Variants in CORO6 observed in about 807,000 individuals in gnomAD.
CORO6 encodes the protein coronin-6.
CORO6 carries 43 observed loss-of-function variants against 49.0 expected under a neutral mutation model. That is an observed-to-expected ratio of 0.88 (90% CI 0.69 to 1.13). CORO6 has a LOEUF of 1.13. Ranked by LOEUF, CORO6 falls within the 50% of genes most tolerant of loss-of-function variation. The pLI, the probability that CORO6 is intolerant of heterozygous loss-of-function variation, is 0.00. For synonymous variants in CORO6, 233 were observed against 256.5 expected (o/e 0.91, Z 0.88); for missense variants, 650 against 647.0 (o/e 1.00, Z -0.05).
chr17:29,619,017 A>G (rs753521016), intron 4 of CORO6, 43 bp downstream of exon 4: 2 of 1,611,734 alleles, frequency 1.2e-6, no homozygotes, highest in African/African-American at 1.3e-5. Context: ...CACCTTTGCC[A>G]CCACCCACCC....
At chr17:29,617,937 G>T in intron 5 of CORO6, 1 of 952,840 alleles carries the variant, frequency 1.0e-6, no homozygotes, top group Non-Finnish European at 1.5e-6. Flanking sequence ...TTCCCGAATG[G>T]GAGCTCCCCG....
At position 29,616,511 on chromosome 17, in the gene CORO6, T is replaced by G. The variant is rs113833180; in HGVS notation, c.1005-175A>C. Among the ~76,000 whole-genome samples, 7 of 152,290 alleles carry G rather than the reference T, an allele frequency of 4.6e-5. No homozygotes were observed. The highest frequency in any genetic ancestry group is 1.7e-4 in the African/African-American group (7 of 41,556). ...CCTGATGGTGTGTTCACCATCATCTTATAGATGAGGAAACTGAAGTTGAGA... is the reference window on the plus strand; with the variant it reads ...CCTGATGGTGTGTTCACCATCATCTGATAGATGAGGAAACTGAAGTTGAGA... On this transcript the variant is annotated intron_variant, in intron 8 of 10. Coordinates refer to ENST00000388767, the MANE Select transcript of CORO6 (RefSeq NM_032854.4). The surrounding 1 kb of genome is among the most constrained non-coding windows in gnomAD (Gnocchi z 5.6).
In CORO6 at chr17:29,615,406, A is replaced by G; in HGVS notation, c.*326T>C. ...TAACCCCAAGCATCACGCTAATACT[A>G]AGCACTTTCCCTGCCCTGGGCGGAG... is the stretch of plus-strand genomic sequence containing the variant. On this transcript the variant is annotated 3_prime_UTR_variant, in exon 11 of 11. Transcript: ENST00000388767. 6.7e-6 allele frequency: 2 copies of G among 299,224 alleles called. No homozygotes were observed. Among genetic ancestry groups the G allele is most frequent in the Non-Finnish European group, 1.2e-5 (2 of 160,642 alleles). The allele number at this position is 299,224 out of a possible 1,614,324, so 18.5% of individuals were successfully genotyped here.
chr17:29,616,010 T>C lies in CORO6; in HGVS notation c.1228A>G (p.Ile410Val). 5 of 1,602,604 alleles carry C rather than the reference T, an allele frequency of 3.1e-6. No homozygotes were observed. The highest frequency in any genetic ancestry group is 4.3e-6 in the Non-Finnish European group (5 of 1,174,610). Residue 410 changes from isoleucine to valine, a missense_variant, in exon 10 of 11, where the codon ATC becomes GTC. Transcript: ENST00000388767. This position sits in a 1 kb window ranked among gnomAD's most constrained non-coding sequence, Gnocchi z 5.6. ...HRELRVTKRNILDVRPPSGPR... is the reference protein window; with the variant it reads ...HRELRVTKRNVLDVRPPSGPR... ...CCGGAGGGCGGGCGCACGTCCAGGA[T>C]GTTGCGCTTCGTGACCCGGAGCTCG...
Position 29,616,420 on chromosome 17 carries a change from AC to A in CORO6, c.1005-85del. On this transcript the variant is annotated intron_variant, in intron 8 of 10. Transcript: ENST00000388767. The surrounding 1 kb of genome is among the most constrained non-coding windows in gnomAD (Gnocchi z 5.6). Reference sequence around the variant, plus strand: ...CTAAGACCAAGGGGGTTGGAGGCCAACACTTGCTCAGCGCCTACCATGCATA... The same window carrying A: ...CTAAGACCAAGGGGGTTGGAGGCCAAACTTGCTCAGCGCCTACCATGCATA... The A allele has an allele frequency of 7.4e-7, 1 of 1,343,202 alleles. No homozygotes were observed. The highest frequency in any genetic ancestry group is 2.5e-5 in the East Asian group (1 of 40,590). 83.2% of individuals were successfully genotyped at this position (1,343,202 alleles called of 1,614,324 possible). A position where few individuals can be genotyped will look rare whatever the true frequency, so the allele number is the denominator to read the frequency against.
chr17:29,615,753 C>T lies in CORO6; in HGVS notation c.1398G>A (p.Glu466=). The T allele has an allele frequency of 6.5e-7, 1 of 1,548,824 alleles. No individual in the cohort carries two copies. The highest frequency in any genetic ancestry group is 8.7e-7 in the Non-Finnish European group (1 of 1,147,210). Reference sequence around the variant, plus strand: ...GGGGCTAGTCCGTGCCGTCCACCAGCTCGCACAGCATGTTCTCCAGAGCCG... The same window carrying T: ...GGGGCTAGTCCGTGCCGTCCACCAGTTCGCACAGCATGTTCTCCAGAGCCG... ...RITALENMLC[E]LVDGTD The change falls in exon 11 of 11, where the codon GAG becomes GAA. Residue 466 remains glutamate (E), a synonymous_variant. Transcript: ENST00000388767.
Position 29,619,680 on chromosome 17 carries a change from C to A in CORO6, c.292G>T (p.Ala98Ser). ...ATGGTGGTGTCGTCTGAGGCACTGG[C>A]GATAACGTTGTCATTGTGTGGACAC... The part of the protein sequence containing the change: ...DWCPHNDNVI[A>S]SASDDTTIMV... The change falls in exon 3 of 11, where the codon GCC becomes TCC. Residue 98 changes from alanine to serine, a missense_variant. By Grantham distance (99) the Ala-to-Ser change is moderately conservative. Coordinates refer to ENST00000388767, the MANE Select transcript of CORO6 (RefSeq NM_032854.4). 6.2e-7 allele frequency: 1 copy of A among 1,613,704 alleles called. No homozygotes were observed. Among genetic ancestry groups the A allele is most frequent in the East Asian group, 2.2e-5 (1 of 44,878 alleles).
chr17:29,618,283 G>A (rs996421723), intron 5 of CORO6: 65 of 1,300,784 alleles, frequency 5.0e-5, no homozygotes, highest in Non-Finnish European at 6.1e-5. Context: ...GGTTAGACTT[G>A]AGGCTGGCGA....
At position 29,622,866 on chromosome 17, in the gene CORO6, C is replaced by A; in HGVS notation, c.-242G>T. Reference sequence around the variant, plus strand: ...GCCGATCCTGCGGCTCTCTAGAGCCCGGCGCCGCTGCAGCCCCAGCTGCCG... The same window carrying A: ...GCCGATCCTGCGGCTCTCTAGAGCCAGGCGCCGCTGCAGCCCCAGCTGCCG... On this transcript the variant is annotated 5_prime_UTR_variant, in exon 1 of 11. Coordinates refer to ENST00000388767, the MANE Select transcript of CORO6 (RefSeq NM_032854.4). 1.5e-6 allele frequency: 2 copies of A among 1,296,246 alleles called. No individual in the cohort carries two copies. Among genetic ancestry groups the A allele is most frequent in the Admixed American group, 2.3e-5 (1 of 42,840 alleles). 80.3% of individuals were successfully genotyped at this position (1,296,246 alleles called of 1,614,324 possible).
Position 29,615,474 on chromosome 17 carries a change from G to A in CORO6, c.*258C>T. 2.1e-6 allele frequency: 1 copy of A among 465,290 alleles called. No homozygotes were observed. The highest frequency in any genetic ancestry group is 3.8e-6 in the Non-Finnish European group (1 of 263,508). 28.8% of individuals were successfully genotyped at this position (465,290 alleles called of 1,614,324 possible). On this transcript the variant is annotated 3_prime_UTR_variant, in exon 11 of 11. Coordinates refer to ENST00000388767, the MANE Select transcript of CORO6 (RefSeq NM_032854.4). ...CCTCGCCGTGCAGCACCATTGCTGA[G>A]CCCCCCAGGTTACCCCAGGCCTCCC...
rs576517494 is a variant in CORO6, at chr17:29,616,764, C to T, written c.942G>A (p.Pro314=). Residue 314 remains proline (P), a synonymous_variant, in exon 8 of 11, where the codon CCG becomes CCA. Coordinates refer to ENST00000388767, the MANE Select transcript of CORO6 (RefSeq NM_032854.4). This position sits in a 1 kb window ranked among gnomAD's most constrained non-coding sequence, Gnocchi z 5.6. ...TGGGCATGAAACCCATGCCCCGCTGCGGCTCTTTGCTGCTGAACGTGTTCA... is the reference window on the plus strand; with the variant it reads ...TGGGCATGAAACCCATGCCCCGCTGTGGCTCTTTGCTGCTGAACGTGTTCA... ...HYLNTFSSKE[P]QRGMGFMPKR... is the part of the protein sequence containing the mutation. The T allele has an allele frequency of 6.2e-7, 1 of 1,613,702 alleles. No homozygotes were observed. Among genetic ancestry groups the T allele is most frequent in the African/African-American group, 1.3e-5 (1 of 74,898 alleles).
chr17:29,621,346 C>T lies in CORO6; in HGVS notation c.76G>A (p.Glu26Lys), dbSNP rs368592581. The T allele has an allele frequency of 2.5e-6, 4 of 1,614,064 alleles. No individual in the cohort carries two copies. The highest frequency in any genetic ancestry group is 3.4e-6 in the Non-Finnish European group (4 of 1,180,024). ...GQAAKADQAYEDIRVSKVTWD... is the reference protein window; with the variant it reads ...GQAAKADQAYKDIRVSKVTWD... Reference sequence around the variant, plus strand: ...GTGACCTTGGACACACGGATGTCCTCGTAGGCCTGGTCGGCCTTTGCTGCC... The same window carrying T: ...GTGACCTTGGACACACGGATGTCCTTGTAGGCCTGGTCGGCCTTTGCTGCC... The change falls in exon 2 of 11, where the codon GAG (glutamate) becomes AAG (lysine). Residue 26 changes from glutamate to lysine, a missense_variant. Coordinates refer to ENST00000388767, the MANE Select transcript of CORO6 (RefSeq NM_032854.4). The surrounding 1 kb of genome is among the most constrained non-coding windows in gnomAD (Gnocchi z 4.2).
In CORO6 at chr17:29,622,704, T is replaced by C; in HGVS notation, c.-80A>G. 1 of 1,279,322 alleles carries C rather than the reference T, an allele frequency of 7.8e-7. No homozygotes were observed. Among genetic ancestry groups the C allele is most frequent in the South Asian group, 1.3e-5 (1 of 76,868 alleles). The allele number at this position is 1,279,322 out of a possible 1,614,324, so 79.2% of individuals were successfully genotyped here. ...GCTGGGTACCTGGTCCTGAGCGGGC[T>C]GCGGGGCGCTCACGCTGCGAATCCT... is the stretch of plus-strand genomic sequence containing the variant. On this transcript the variant is annotated 5_prime_UTR_variant, in exon 1 of 11. Transcript: ENST00000388767.
Position 29,616,114 on chromosome 17 carries a change from G to T in CORO6, c.1124C>A (p.Ala375Glu), listed in dbSNP as rs1040955133. ...GTCCTGGCCGGATAGCCATTCGTCC[G>T]CTTCTAGGGCCGGCTCCGGGCCTGG... ...DTPGPEPALE[A>E]DEWLSGQDAE... The change falls in exon 10 of 11, where the codon GCG (alanine) becomes GAG (glutamate). Residue 375 changes from alanine to glutamate, a missense_variant. Coordinates refer to ENST00000388767, the MANE Select transcript of CORO6 (RefSeq NM_032854.4). This position sits in a 1 kb window ranked among gnomAD's most constrained non-coding sequence, Gnocchi z 5.6. The T allele has an allele frequency of 6.2e-7, 1 of 1,613,292 alleles. No individual in the cohort carries two copies. The highest frequency in any genetic ancestry group is 8.5e-7 in the Non-Finnish European group (1 of 1,180,004).
chr17:29,616,910 C>A lies in CORO6; in HGVS notation c.858+28G>T. 6.2e-7 allele frequency: 1 copy of A among 1,613,676 alleles called. No individual in the cohort carries two copies. Among genetic ancestry groups the A allele is most frequent in the Non-Finnish European group, 8.5e-7 (1 of 1,179,978 alleles). On this transcript the variant is annotated intron_variant, in intron 7 of 10. Coordinates refer to ENST00000388767, the MANE Select transcript of CORO6 (RefSeq NM_032854.4). This position sits in a 1 kb window ranked among gnomAD's most constrained non-coding sequence, Gnocchi z 5.6. ...GGCCCTCCACATCTCCATCCAGTGCCCTGTTCTCCCTGCCCGGCCGTGAGC... is the reference window on the plus strand; with the variant it reads ...GGCCCTCCACATCTCCATCCAGTGCACTGTTCTCCCTGCCCGGCCGTGAGC...
Position 29,616,104 on chromosome 17 carries a change from C to A in CORO6, c.1134G>T (p.Trp378Cys). The A allele has an allele frequency of 6.2e-7, 1 of 1,613,214 alleles. No homozygotes were observed. Among genetic ancestry groups the A allele is most frequent in the Non-Finnish European group, 8.5e-7 (1 of 1,180,006 alleles). Residue 378 changes from tryptophan (W) to cysteine (C), a missense_variant, in exon 10 of 11, where the codon TGG becomes TGT. Transcript: ENST00000388767. This position sits in a 1 kb window ranked among gnomAD's most constrained non-coding sequence, Gnocchi z 5.6. ...GPEPALEADE[W>C]LSGQDAEPVL... Reference sequence around the variant, plus strand: ...CGGGTTCGGCGTCCTGGCCGGATAGCCATTCGTCCGCTTCTAGGGCCGGCT... The same window carrying A: ...CGGGTTCGGCGTCCTGGCCGGATAGACATTCGTCCGCTTCTAGGGCCGGCT...
In CORO6 at chr17:29,616,871, G is replaced by T. The variant is rs768812994; in HGVS notation, c.859-24C>A. On this transcript the variant is annotated intron_variant, in intron 7 of 10. Transcript: ENST00000388767. The surrounding 1 kb of genome is among the most constrained non-coding windows in gnomAD (Gnocchi z 5.6). Reference sequence around the variant, plus strand: ...CCCTGCAAAATCAGTCGGTTCAGGGGCGCGCCCGGACAAGGCCCTCCACAT... The same window carrying T: ...CCCTGCAAAATCAGTCGGTTCAGGGTCGCGCCCGGACAAGGCCCTCCACAT... The T allele has an allele frequency of 8.7e-6, 14 of 1,613,152 alleles. No homozygotes were observed. In the African/African-American group the frequency reaches 1.9e-4, roughly 22 times the overall value.
chr17:29,617,924 CT>C, intron 5 of CORO6: 1 of 875,400 alleles, frequency 1.1e-6, no homozygotes, highest in Non-Finnish European at 1.6e-6. Flanking sequence ...CGCAGCGAGG[CT>C]TTTCCCGAAT....
chr17:29,617,663 G>A, intron 5 of CORO6, 44 bp from the exon 6 acceptor site: 4 of 1,529,632 alleles, frequency 2.6e-6, no homozygotes, highest in Non-Finnish European at 3.5e-6. Flanking sequence ...CCAGCTGCCT[G>A]CCCTGAGGAG....
Sources: allele counts gnomAD v4.1 joint callset (sites outside exome capture counted in the v4.1 genomes callset), GRCh38; gene constraint gnomAD v4.1.1; non-coding constraint Gnocchi (gnomAD v3.1); transcripts MANE v1.5; gene names NCBI Gene and HGNC (gene_info 2026-07-23, HGNC 2026-07-21).